The following MAP3K5 variants were observed in gnomAD, a reference collection of about 807,000 sequenced individuals.
MAP3K5 encodes the protein ASK-1.
In MAP3K5, 56 loss-of-function variants were observed where a neutral mutation model predicts 158.7. The observed-to-expected ratio is 0.35, with a 90% CI of 0.28 to 0.44. The LOEUF is 0.44. Among genes scored for constraint, MAP3K5 ranks in the 20% least tolerant of loss-of-function variants. The pLI is 1.00. For missense variants in MAP3K5, 1,294 were observed against 1,674.8 expected, an observed-to-expected ratio of 0.77 and a Z score of 3.97; for synonymous variants, 579 against 601.7, an observed-to-expected ratio of 0.96 and a Z score of 0.55.
intron 1 of MAP3K5, among the ~76,000 whole-genome samples, chr6:136,762,881 C>T (rs1458917983): frequency 6.6e-6 from 1 of 152,220 alleles, no homozygotes; most frequent in Non-Finnish European, 1.5e-5. Context: ...CATTGCCTTG[C>T]CCTCTTCACA....
At chr6:136,661,959 C>T (rs1475573053) in intron 8 of MAP3K5, among the ~76,000 whole-genome samples, 1 of 152,186 alleles carries the variant, frequency 6.6e-6, no homozygotes, top group Non-Finnish European at 1.5e-5. Context: ...TGACACCCAG[C>T]CAGCATTTGG....
intron 15 of MAP3K5, among the ~76,000 whole-genome samples, chr6:136,616,870 A>T (rs557415713): frequency 6.6e-6 from 1 of 152,072 alleles, no homozygotes; most frequent in Admixed American, 6.6e-5. Flanking sequence ...CTGTGACTAC[A>T]GGCATGCACC....
intron 1 of MAP3K5, among the ~76,000 whole-genome samples, chr6:136,746,883 A>C (rs540606468): frequency 6.6e-6 from 1 of 152,324 alleles, no homozygotes; most frequent in African/African-American, 2.4e-5. Context: ...AAATTCTTTA[A>C]AAATGTATTT....
chr6:136,599,886 G>A (rs1775799029), intron 21 of MAP3K5, among the ~76,000 whole-genome samples: 1 of 152,138 alleles, frequency 6.6e-6, no homozygotes, highest in Non-Finnish European at 1.5e-5. Context: ...GACAATGCAA[G>A]GCTGCCTTCC....
intron 24 of MAP3K5, among the ~76,000 whole-genome samples, chr6:136,580,675 C>A (rs1232069407): frequency 1.3e-5 from 2 of 152,004 alleles, no homozygotes; most frequent in Non-Finnish European, 2.9e-5. Context: ...TCAGAATGTG[C>A]AGTTTTTAGC....
chr6:136,585,097 TTC>T (rs973509305), intron 23 of MAP3K5, among the ~76,000 whole-genome samples: 1 of 149,436 alleles, frequency 6.7e-6, no homozygotes, highest in African/African-American at 2.4e-5. Context: ...AAATGATTTT[TTC>T]TTTTTGTTTT....
intron 25 of MAP3K5, among the ~76,000 whole-genome samples, chr6:136,573,518 A>C (rs1161829648): frequency 6.6e-6 from 1 of 152,230 alleles, no homozygotes; most frequent in Non-Finnish European, 1.5e-5. Flanking sequence ...TAACACATAC[A>C]TGTAGTAAGA....
intron 1 of MAP3K5, among the ~76,000 whole-genome samples, chr6:136,745,145 T>G (rs1302339510): frequency 1.0e-2 from 4 of 402 alleles, no homozygotes; most frequent in Non-Finnish European, 0.016. Context: ...TCATTAAAGT[T>G]TTTTTTTTTT....
At chr6:136,768,778 T>C (rs1265651864) in intron 1 of MAP3K5, among the ~76,000 whole-genome samples, 1 of 152,094 alleles carries the variant, frequency 6.6e-6, no homozygotes, top group African/African-American at 2.4e-5. Context: ...CCAGGCATGG[T>C]GGCAGGTGCC....
chr6:136,558,320 A>G (rs187481626), intron 29 of MAP3K5, among the ~76,000 whole-genome samples: 1 of 152,070 alleles, frequency 6.6e-6, no homozygotes, highest in African/African-American at 2.4e-5. Flanking sequence ...CGGAGCTTGC[A>G]GTGAGCTGAG....
intron 15 of MAP3K5, among the ~76,000 whole-genome samples, chr6:136,618,679 C>T (rs574892361): frequency 2.0e-5 from 3 of 152,264 alleles, no homozygotes; most frequent in East Asian, 1.9e-4. Context: ...TCCTTAAGAA[C>T]ACATAGGACT....
intron 1 of MAP3K5, among the ~76,000 whole-genome samples, chr6:136,749,891 C>T (rs1382784530): frequency 6.6e-6 from 1 of 152,118 alleles, no homozygotes; most frequent in Non-Finnish European, 1.5e-5. Flanking sequence ...ATTTAATGCT[C>T]ACGGTGAGCA....
At chr6:136,691,123 C>T (rs1583424594) in intron 7 of MAP3K5, among the ~76,000 whole-genome samples, 1 of 152,072 alleles carries the variant, frequency 6.6e-6, no homozygotes, top group African/African-American at 2.4e-5. Flanking sequence ...ACCAATTTTA[C>T]TATGATGTGC....
intron 28 of MAP3K5, 108 bp downstream of exon 28, chr6:136,561,425 T>C (rs1306640095): frequency 1.4e-6 from 1 of 737,314 alleles, no homozygotes; most frequent in Non-Finnish European, 2.4e-6. Flanking sequence ...AGGGCAGGGC[T>C]GGGTCTGATT....
intron 14 of MAP3K5, 128 bp from the exon 15 acceptor site, chr6:136,623,109 A>C (rs530488590): frequency 2.2e-4 from 173 of 771,810 alleles, no homozygotes; most frequent in Non-Finnish European, 3.0e-4. Context: ...AAGTTCTAAG[A>C]AGCAGCTTCA....
At chr6:136,588,032 A>G (rs1196848511) in intron 23 of MAP3K5, among the ~76,000 whole-genome samples, 1 of 152,192 alleles carries the variant, frequency 6.6e-6, no homozygotes, top group Non-Finnish European at 1.5e-5. Flanking sequence ...CTGGAAAAGC[A>G]CATTCTTTGG....
intron 8 of MAP3K5, among the ~76,000 whole-genome samples, chr6:136,665,267 A>C (rs1420158671): frequency 6.6e-6 from 1 of 152,130 alleles, no homozygotes; most frequent in Admixed American, 6.5e-5. Flanking sequence ...TACTTTATTA[A>C]CTATAATAGT....
rs369233899 is a variant in MAP3K5 at position 136,791,898 on chromosome 6, C to T, written c.260G>A (p.Gly87Asp). The T allele has an allele frequency of 4.6e-5, 74 of 1,613,082 alleles. No homozygotes were observed. The highest frequency in any genetic ancestry group is 5.7e-5 in the Non-Finnish European group (67 of 1,179,906). The change falls in exon 1 of 30, where the codon GGC (glycine) becomes GAC (aspartate). Residue 87 changes from glycine to aspartate, a missense_variant. Physicochemically the swap from Gly to Asp is moderately conservative, Grantham distance 94. Around this residue, in one of 5 missense-constraint regions of MAP3K5, gnomAD observed 690 missense variants for 870.5 expected, o/e 0.79. Transcript: ENST00000359015. ...ATATGCCACCGTGGTCCGTCGGCTG[C>T]CCCCGCCAACAGAGCTGCCCCGGCC... ...TRGRGSSVGG[G>D]SRRTTVAYVI...
chr6:136,687,832 T>C (rs1442131300), intron 7 of MAP3K5, among the ~76,000 whole-genome samples: 1 of 152,142 alleles, frequency 6.6e-6, no homozygotes, highest in Non-Finnish European at 1.5e-5. Context: ...GGAGTGTAAA[T>C]TAGTTCAACC....
Sources: allele counts gnomAD v4.1 joint callset (sites outside exome capture counted in the v4.1 genomes callset), GRCh38; gene constraint gnomAD v4.1.1; regional missense constraint gnomAD v4.1.1; transcripts MANE v1.5; gene names NCBI Gene and HGNC (gene_info 2026-07-23, HGNC 2026-07-21).